PHTF2: variants seen among roughly 807,000 people sequenced by gnomAD.
PHTF2 encodes putative homeodomain transcription factor 2, also known as protein PHTF2.
PHTF2 carries 60 observed loss-of-function variants against 101.2 expected under a neutral mutation model. The observed-to-expected ratio is 0.59, with a 90% CI of 0.48 to 0.73. The LOEUF is 0.73. Among genes scored for constraint, PHTF2 ranks in the 30% least tolerant of loss-of-function variants. The pLI is 0.00. For synonymous variants in PHTF2, 311 were observed against 307.3 expected (o/e 1.01, Z -0.13); for missense variants, 747 against 908.7 (o/e 0.82, Z 2.29).
intron 7 of PHTF2, among the ~76,000 whole-genome samples, chr7:77,904,990 T>A (rs778534673): frequency 6.6e-6 from 1 of 152,210 alleles, no homozygotes; most frequent in Non-Finnish European, 1.5e-5. Context: ...CCTTATGAGA[T>A]TTTTTTTAAT....
At chr7:77,938,708 C>T (rs1423173939) in intron 13 of PHTF2, among the ~76,000 whole-genome samples, 6 of 152,142 alleles carry the variant, frequency 3.9e-5, no homozygotes, top group Non-Finnish European at 5.9e-5. Context: ...ACCTGGGAGG[C>T]GGAGCTTGCA....
chr7:77,811,592 T>C (rs1461582498), intron 1 of PHTF2, among the ~76,000 whole-genome samples: 1 of 152,228 alleles, frequency 6.6e-6, no homozygotes, highest in Non-Finnish European at 1.5e-5. Context: ...CTTTATTCAC[T>C]TACTTATTCA....
chr7:77,879,937 T>C (rs1440062097), intron 3 of PHTF2, among the ~76,000 whole-genome samples: 1 of 152,214 alleles, frequency 6.6e-6, no homozygotes, highest in African/African-American at 2.4e-5. Flanking sequence ...GGGTATTAGC[T>C]CCCTTTTCCT....
chr7:77,815,396 A>G (rs892608779), intron 1 of PHTF2, among the ~76,000 whole-genome samples: 5 of 152,232 alleles, frequency 3.3e-5, no homozygotes, highest in Non-Finnish European at 5.9e-5. Context: ...GCATAATTCC[A>G]TCATATTTAT....
At chr7:77,884,764 T>C (rs967537488) in intron 3 of PHTF2, among the ~76,000 whole-genome samples, 3 of 152,246 alleles carry the variant, frequency 2.0e-5, no homozygotes, top group African/African-American at 7.2e-5. Flanking sequence ...CCGGATGTGG[T>C]GGTGGGCACC....
intron 1 of PHTF2, among the ~76,000 whole-genome samples, chr7:77,824,021 G>C (rs1794511546): frequency 6.6e-6 from 1 of 152,170 alleles, no homozygotes. Context: ...GCTTGTACCA[G>C]GTGTATGGTA....
At chr7:77,848,664 T>G (rs1796498375) in intron 2 of PHTF2, among the ~76,000 whole-genome samples, 2 of 152,168 alleles carry the variant, frequency 1.3e-5, no homozygotes, top group South Asian at 4.1e-4. Flanking sequence ...GTAGGTTGTC[T>G]CTTTGTTGAT....
At chr7:77,858,675 G>T (rs765212830) in intron 3 of PHTF2, among the ~76,000 whole-genome samples, 7 of 149,098 alleles carry the variant, frequency 4.7e-5, no homozygotes, top group Non-Finnish European at 7.4e-5. Context: ...TAAAGATAGG[G>T]TTAGTATTAC....
Position 77,909,031 on chromosome 7 carries a change from T to TA in PHTF2, c.611+74dup, listed in dbSNP as rs1802119696. 4.2e-6 allele frequency: 4 copies of TA among 958,894 alleles called. No homozygotes were observed. In the Admixed American group the frequency reaches 1.0e-4, roughly 24 times the overall value. 59.4% of individuals were successfully genotyped at this position (958,894 alleles called of 1,614,324 possible). A position where few individuals can be genotyped will look rare whatever the true frequency, so the allele number is the denominator to read the frequency against. ...ATCTACGATTGTTCTTGACTCCTCT[T>TA]ACCTTCATAGACTAAAATCTTATCT... On this transcript the variant is annotated intron_variant, in intron 8 of 19. Transcript: ENST00000416283.
intron 1 of PHTF2, among the ~76,000 whole-genome samples, chr7:77,825,289 C>A (rs1257037984): frequency 6.6e-6 from 1 of 152,102 alleles, no homozygotes; most frequent in Non-Finnish European, 1.5e-5. Flanking sequence ...AATCCCAGCC[C>A]CGTATCCCAG....
intron 3 of PHTF2, among the ~76,000 whole-genome samples, chr7:77,880,916 T>C (rs757107249): frequency 3.3e-5 from 5 of 152,200 alleles, no homozygotes; most frequent in Non-Finnish European, 7.3e-5. Context: ...TGAACCTTGG[T>C]GGTAAAAGGA....
intron 3 of PHTF2, among the ~76,000 whole-genome samples, chr7:77,864,684 C>G (rs532458495): frequency 6.6e-6 from 1 of 151,882 alleles, no homozygotes; most frequent in East Asian, 1.9e-4. Flanking sequence ...TCACGGATAT[C>G]TTTCATAATC....
chr7:77,932,123 G>T (rs905345833), intron 12 of PHTF2, among the ~76,000 whole-genome samples: 1 of 152,096 alleles, frequency 6.6e-6, no homozygotes, highest in Non-Finnish European at 1.5e-5. Flanking sequence ...AAAATAAAAA[G>T]GATGGCTATG....
intron 3 of PHTF2, among the ~76,000 whole-genome samples, chr7:77,880,610 C>T (rs1432488757): frequency 1.3e-5 from 2 of 152,078 alleles, no homozygotes; most frequent in Non-Finnish European, 2.9e-5. Context: ...TCTCCTCACC[C>T]CCACAACGTC....
At chr7:77,799,479 C>G (rs1183919732) in intron 1 of PHTF2, among the ~76,000 whole-genome samples, 3 of 152,214 alleles carry the variant, frequency 2.0e-5, no homozygotes, top group Non-Finnish European at 2.9e-5. Context: ...AGGAGGGTCG[C>G]TGCCCTGCCC....
intron 3 of PHTF2, among the ~76,000 whole-genome samples, chr7:77,883,767 T>G (rs1161532664): frequency 6.6e-6 from 1 of 152,222 alleles, no homozygotes; most frequent in Non-Finnish European, 1.5e-5. Context: ...TGCTTCTATC[T>G]GATGTTATAG....
chr7:77,803,194 C>G (rs1173280976), intron 1 of PHTF2, among the ~76,000 whole-genome samples: 7 of 152,028 alleles, frequency 4.6e-5, no homozygotes, highest in Non-Finnish European at 1.0e-4. Context: ...TGTGGCTGAA[C>G]CACTACCTGA....
chr7:77,913,473 TATA>T (rs1802602286), intron 9 of PHTF2, among the ~76,000 whole-genome samples: 3 of 152,148 alleles, frequency 2.0e-5, no homozygotes, highest in African/African-American at 7.2e-5. Context: ...TTAATGTAAT[TATA>T]GTTTCTATTA....
chr7:77,914,081 A>T (rs368281937), intron 9 of PHTF2, among the ~76,000 whole-genome samples: 3,288 of 149,600 alleles, frequency 0.022, 51 homozygotes, highest in Middle Eastern at 0.066. Flanking sequence ...AAAAAAAAAA[A>T]GGAAAAAAAA....
Sources: gnomAD v4.1 joint callset for allele counts (sites outside exome capture counted in the v4.1 genomes callset) on GRCh38, gnomAD v4.1.1 for gene constraint, MANE v1.5 for transcripts, NCBI Gene and HGNC (gene_info 2026-07-23, HGNC 2026-07-21) for gene names.